RCOR3: variants seen among roughly 807,000 people sequenced by gnomAD.
RCOR3 encodes the protein REST corepressor 3.
A neutral mutation model predicts 64.1 loss-of-function variants in RCOR3; 13 were observed. The observed-to-expected ratio is 0.20, with a 90% CI of 0.13 to 0.32. The LOEUF (loss-of-function observed/expected upper bound fraction) is 0.32. Among genes scored for constraint, RCOR3 ranks in the 10% least tolerant of loss-of-function variants. RCOR3 has a pLI of 1.00. For missense variants in RCOR3, 489 were observed against 701.2 expected (o/e 0.70, Z 3.42); for synonymous variants, 215 against 239.0 (o/e 0.90, Z 0.93).
In RCOR3 at chr1:211,312,579, C is replaced by G. The variant is rs1004193367; in HGVS notation, c.1076-141C>G. 2 of 709,596 alleles carry G rather than the reference C, an allele frequency of 2.8e-6. No individual in the cohort carries two copies. The highest frequency in any genetic ancestry group is 5.0e-6 in the Non-Finnish European group (2 of 402,068). 44.0% of individuals were successfully genotyped at this position (709,596 alleles called of 1,614,324 possible). The stretch of plus-strand genomic sequence containing the variant: ...TCATCTGTGACCCTGATATCTTAGC[C>G]TCTATCTCAGAATTGAGAAATGAGC... On this transcript the variant is annotated intron_variant, in intron 10 of 11. Transcript: ENST00000419091. This position sits in a 1 kb window ranked among gnomAD's most constrained non-coding sequence, Gnocchi z 5.0.
Position 211,259,632 on chromosome 1 carries a change from C to T in RCOR3, c.72C>T (p.Ser24=). The change falls in exon 1 of 12, where the codon AGC becomes AGT. Residue 24 remains serine (S), a synonymous_variant. Coordinates refer to ENST00000419091, the MANE Select transcript of RCOR3 (RefSeq NM_001136223.3). ...KNRSANGSAK[S]PAGGGGSGAS... ...GATCGGCCAACGGCAGCGCCAAGAG[C>T]CCGGCAGGCGGCGGCGGCAGCGGCG... 5 of 1,547,556 alleles carry T rather than the reference C, an allele frequency of 3.2e-6. No homozygotes were observed. Among genetic ancestry groups the T allele is most frequent in the Non-Finnish European group, 4.4e-6 (5 of 1,145,600 alleles).
At chr1:211,271,590 G>A in intron 3 of RCOR3, 1 of 524,320 alleles carries the variant, frequency 1.9e-6, no homozygotes, top group Admixed American at 2.2e-5. Flanking sequence ...TCAAGCAGGG[G>A]AGGGAGTTAC....
rs79009046 is a variant in RCOR3, at chr1:211,264,838, T to G, written c.223+4674T>G. Among the ~76,000 whole-genome samples the G allele has an allele frequency of 4.5e-4, 69 of 152,376 alleles. 1 individual carries two copies. In the East Asian group the frequency reaches 0.012, roughly 26 times the overall value. On this transcript the variant is annotated intron_variant, in intron 2 of 11. Coordinates refer to ENST00000419091, the MANE Select transcript of RCOR3 (RefSeq NM_001136223.3). ...CTTTACTAACTAGATTTCTGATTAT[T>G]TTCTTTCCGTTGTTCACTAGATCTT...
At chr1:211,292,564 A>T (rs1296755482) in intron 8 of RCOR3, among the ~76,000 whole-genome samples, 1 of 152,206 alleles carries the variant, frequency 6.6e-6, no homozygotes, top group Non-Finnish European at 1.5e-5. Flanking sequence ...TGTGTGACAC[A>T]GTAAAGGTTT....
At chr1:211,286,392 C>T (rs1698533566) in intron 7 of RCOR3, among the ~76,000 whole-genome samples, 1 of 151,890 alleles carries the variant, frequency 6.6e-6, no homozygotes, top group African/African-American at 2.4e-5. Flanking sequence ...ACTGCAACCT[C>T]CGCTTCCCAG....
chr1:211,294,341 C>T (rs542786337), intron 8 of RCOR3, among the ~76,000 whole-genome samples: 137 of 152,168 alleles, frequency 9.0e-4, no homozygotes, highest in African/African-American at 3.2e-3. Context: ...ACCATTTTGA[C>T]TCCCACTTCC....
chr1:211,265,651 G>A lies in RCOR3; in HGVS notation c.223+5487G>A, dbSNP rs147140521. On this transcript the variant is annotated intron_variant, in intron 2 of 11. Coordinates refer to ENST00000419091, the MANE Select transcript of RCOR3 (RefSeq NM_001136223.3). Reference sequence around the variant, plus strand: ...GGAGAATTGCTTGAACCTGGGAGGCGGAGGTTGGAGTGAGCCGAGATTGCA... The same window carrying A: ...GGAGAATTGCTTGAACCTGGGAGGCAGAGGTTGGAGTGAGCCGAGATTGCA... Among the ~76,000 whole-genome samples the A allele has an allele frequency of 8.7e-4, 132 of 152,184 alleles. No homozygotes were observed. The East Asian group carries it at 0.02, about 23-fold the overall frequency.
chr1:211,271,437 TA>T (rs1476801988), intron 3 of RCOR3, 128 bp downstream of exon 3: 201 of 719,264 alleles, frequency 2.8e-4, no homozygotes, highest in Admixed American at 5.9e-4. Context: ...TTTTATTTTT[TA>T]TTTTTTTATT....
chr1:211,280,364 T>C (rs1697607290), intron 7 of RCOR3, among the ~76,000 whole-genome samples: 1 of 152,214 alleles, frequency 6.6e-6, no homozygotes, highest in Non-Finnish European at 1.5e-5. Flanking sequence ...ACAGTTACTG[T>C]ATTTTGCCCA....
intron 7 of RCOR3, among the ~76,000 whole-genome samples, chr1:211,286,468 C>T (rs1280021215): frequency 6.6e-6 from 1 of 151,966 alleles, no homozygotes; most frequent in Non-Finnish European, 1.5e-5. Flanking sequence ...CCACCATGCT[C>T]AGCTTATTTT....
At position 211,315,459 on chromosome 1, in the gene RCOR3, C is replaced by T. The variant is rs2102692151; in HGVS notation, c.*1691C>T. 6.6e-6 allele frequency: 1 copy of T among 152,232 alleles called. No individual in the cohort carries two copies. The highest frequency in any genetic ancestry group is 2.1e-4 in the South Asian group (1 of 4,808). 9.4% of individuals were successfully genotyped at this position (152,232 alleles called of 1,614,324 possible). On this transcript the variant is annotated 3_prime_UTR_variant, in exon 12 of 12. Transcript: ENST00000419091. ...TAGGTCCTTTTCTTTCTCATTGAAT[C>T]ATCTTAAATAGTTCTTGGCCCTGAA...
intron 10 of RCOR3, among the ~76,000 whole-genome samples, chr1:211,308,687 T>TTTTTTTTTTTTTTG (rs1701159946): frequency 3.1e-5 from 2 of 64,826 alleles, no homozygotes; most frequent in African/African-American, 5.0e-5. Context: ...TTTTTTTGTT[T>TTTTTTTTTTTTTTG]TTTTTTTTTT....
chr1:211,275,031 C>T (rs981348166), intron 4 of RCOR3, among the ~76,000 whole-genome samples: 1 of 150,842 alleles, frequency 6.6e-6, no homozygotes, highest in Non-Finnish European at 1.5e-5. Flanking sequence ...GTAATACACT[C>T]TATTATATAT....
chr1:211,261,343 T>A (rs777654971), intron 2 of RCOR3: 6 of 152,050 alleles, frequency 3.9e-5, no homozygotes, highest in Non-Finnish European at 7.4e-5. Flanking sequence ...CTGTCCCAAG[T>A]GAGGAGGATG....
At position 211,314,205 on chromosome 1, in the gene RCOR3, T is replaced by C. The variant is rs555042749; in HGVS notation, c.*437T>C. On this transcript the variant is annotated 3_prime_UTR_variant, in exon 12 of 12. Transcript: ENST00000419091. Reference sequence around the variant, plus strand: ...GTTAAGGATGTTTGGCTTTTTTCTTTAATTTTTTAAAAACCATTTTCCTAT... The same window carrying C: ...GTTAAGGATGTTTGGCTTTTTTCTTCAATTTTTTAAAAACCATTTTCCTAT... 1 of 153,788 alleles carries C rather than the reference T, an allele frequency of 6.5e-6. No homozygotes were observed. Among genetic ancestry groups the C allele is most frequent in the East Asian group, 1.9e-4 (1 of 5,216 alleles). The allele number at this position is 153,788 out of a possible 1,614,324, so 9.5% of individuals were successfully genotyped here.
intron 5 of RCOR3, 33 bp downstream of exon 5, chr1:211,276,451 T>A (rs766665997): frequency 6.4e-7 from 1 of 1,570,170 alleles, no homozygotes; most frequent in East Asian, 2.2e-5. Context: ...GTGGTTCATA[T>A]GTGAATGATA....
At chr1:211,310,314 A>T (rs1170346375) in intron 10 of RCOR3, among the ~76,000 whole-genome samples, 5 of 152,166 alleles carry the variant, frequency 3.3e-5, no homozygotes, top group Non-Finnish European at 4.4e-5. Flanking sequence ...CTTCAGGATG[A>T]GGGGATTAGA....
At chr1:211,288,750 C>T (rs1698884120) in intron 7 of RCOR3, among the ~76,000 whole-genome samples, 1 of 151,864 alleles carries the variant, frequency 6.6e-6, no homozygotes, top group Non-Finnish European at 1.5e-5. Flanking sequence ...GCTGTCTAAT[C>T]TGCTATTGTC....
chr1:211,298,331 AAG>A (rs144084165), intron 9 of RCOR3, among the ~76,000 whole-genome samples: 2,608 of 152,300 alleles, frequency 0.017, 66 homozygotes, highest in African/African-American at 0.06. Flanking sequence ...TTTGAAGGAT[AAG>A]AGGGATTTTT....
Sources: allele counts gnomAD v4.1 joint callset (sites outside exome capture counted in the v4.1 genomes callset), GRCh38; gene constraint gnomAD v4.1.1; non-coding constraint Gnocchi (gnomAD v3.1); transcripts MANE v1.5; gene names NCBI Gene and HGNC (gene_info 2026-07-23, HGNC 2026-07-21).